C2CD4D: variants seen among roughly 807,000 people sequenced by gnomAD.
C2CD4D encodes the protein C2 calcium-dependent domain-containing protein 4D.
A neutral mutation model predicts 0.2 loss-of-function variants in C2CD4D; 1 was observed. The observed-to-expected ratio is 4.00, with a 90% CI of 1.42 to 18.99. The LOEUF is 18.99. Ranked by LOEUF, C2CD4D falls within the 30% of genes most tolerant of loss-of-function variation. The pLI, the probability that C2CD4D is intolerant of heterozygous loss-of-function variation, is 0.11. For synonymous variants in C2CD4D, 269 were observed against 279.8 expected (o/e 0.96, Z 0.39); for missense variants, 552 against 551.2 (o/e 1.00, Z -0.01).
rs563511381 is a variant in C2CD4D, at chr1:151,839,174, G to A, written c.-185C>T. ...CGGTCTCCGGACCCACTGGGAGCGC[G>A]GACCCCTATTTGAGCAGAAAAAGAA... On this transcript the variant is annotated 5_prime_UTR_variant, in exon 2 of 2. Transcript: ENST00000454109. 42 of 604,466 alleles carry A rather than the reference G, an allele frequency of 6.9e-5. No homozygotes were observed. In the African/African-American group the frequency reaches 7.3e-4, roughly 11 times the overall value. 37.4% of individuals were successfully genotyped at this position (604,466 alleles called of 1,614,324 possible).
chr1:151,838,468 C>A, exon 2 of C2CD4D: 1 of 1,396,486 alleles, frequency 7.2e-7, no homozygotes, highest in Non-Finnish European at 9.3e-7. Context: ...CGGCCGAGCT[C>A]GCTTTTTCTG....
exon 1 of C2CD4D, chr1:151,840,231 C>T (rs976361789): frequency 1.3e-5 from 2 of 152,442 alleles, no homozygotes; most frequent in African/African-American, 2.4e-5. Context: ...ACAGCTCTGT[C>T]TGCGCGGCCA....
chr1:151,838,185 G>T (rs1200060378), exon 2 of C2CD4D: 2 of 1,550,030 alleles, frequency 1.3e-6, no homozygotes, highest in South Asian at 2.4e-5. Flanking sequence ...TCCCGCGGCC[G>T]GACGCGGGGC....
exon 2 of C2CD4D, chr1:151,837,954 G>A (rs1652623759): frequency 6.5e-7 from 1 of 1,543,798 alleles, no homozygotes; most frequent in Non-Finnish European, 8.8e-7. Context: ...GTGGGCGCCA[G>A]GGATGACCCG....
Position 151,838,421 on chromosome 1 carries a change from GGC to G in C2CD4D, c.567_568del (p.Pro190HisfsTer166). 1 of 1,428,374 alleles carries G rather than the reference GGC, an allele frequency of 7.0e-7. No homozygotes were observed. 88.5% of individuals were successfully genotyped at this position (1,428,374 alleles called of 1,614,324 possible). A position where few individuals can be genotyped will look rare whatever the true frequency, so the allele number is the denominator to read the frequency against. ...GTCCAGGTGGAAGAGCGGCGGCGTG[GGC>G]GGCCCGGCGCGGCGCGGCGAGTGCG... On this transcript the variant is annotated frameshift_variant, in exon 2 of 2. Transcript: ENST00000454109. LOFTEE classifies it low-confidence loss of function (END_TRUNC).
chr1:151,838,096 C>CG lies in C2CD4D; in HGVS notation c.893dup (p.Asp299GlyfsTer58). 3.9e-6 allele frequency: 6 copies of CG among 1,545,584 alleles called. No homozygotes were observed. The highest frequency in any genetic ancestry group is 2.5e-5 in the East Asian group (1 of 40,402). On this transcript the variant is annotated frameshift_variant, in exon 2 of 2. Coordinates refer to ENST00000454109, the Ensembl canonical transcript of C2CD4D. LOFTEE classifies it low-confidence loss of function (END_TRUNC). ...CTCTCAGGCTGCGGGCGGCCAGGTC[C>CG]GGGGGGCCGAGCCCGTCGAAAAAGA...
At chr1:151,838,991 CG>C in exon 2 of C2CD4D, 1 of 1,549,910 alleles carries the variant, frequency 6.5e-7, no homozygotes. Flanking sequence ...GAGCCACATG[CG>C]GTGGGTGGGG....
chr1:151,839,391 G>C (rs141525760), intron 1 of C2CD4D, among the ~76,000 whole-genome samples, 171 bp from the exon 2 acceptor site: 1 of 152,200 alleles, frequency 6.6e-6, no homozygotes, highest in African/African-American at 2.4e-5. Context: ...AGGACAAATA[G>C]GATAATAACC....
chr1:151,838,448 G>A (rs757376795), exon 2 of C2CD4D: 11 of 1,408,702 alleles, frequency 7.8e-6, no homozygotes, highest in South Asian at 1.5e-5. Context: ...CGGCGAGTGC[G>A]GGCTGGTATC....
In C2CD4D at chr1:151,838,682, C is replaced by A. The variant is rs1358151264; in HGVS notation, c.308G>T (p.Arg103Leu). The change falls in exon 2 of 2, where the codon CGG becomes CTG. Residue 103 changes from arginine (R) to leucine (L), a missense_variant. Transcript: ENST00000454109. ...TGGCGGCCCGTGGAACAGGGATTCCCGCCGGCGCGTGTGCGGGCTCTCGGG... is the reference window on the plus strand; with the variant it reads ...TGGCGGCCCGTGGAACAGGGATTCCAGCCGGCGCGTGTGCGGGCTCTCGGG... 11 of 1,373,082 alleles carry A rather than the reference C, an allele frequency of 8.0e-6. No homozygotes were observed. In the African/African-American group the frequency reaches 1.4e-4, roughly 17 times the overall value. 85.1% of individuals were successfully genotyped at this position (1,373,082 alleles called of 1,614,324 possible). A position where few individuals can be genotyped will look rare whatever the true frequency, so the allele number is the denominator to read the frequency against.
In C2CD4D at chr1:151,838,960, C is replaced by G. The variant is rs1652686697; in HGVS notation, c.30G>C (p.Lys10Asn). The G allele has an allele frequency of 2.6e-6, 4 of 1,550,118 alleles. No individual in the cohort carries two copies. In the South Asian group the frequency reaches 4.8e-5, roughly 18 times the overall value. Residue 10 changes from lysine (K) to asparagine (N), a missense_variant, in exon 2 of 2, where the codon AAG (lysine) becomes AAC (asparagine). By Grantham distance (94) the Lys-to-Asn change is moderately conservative. Coordinates refer to ENST00000454109, the Ensembl canonical transcript of C2CD4D. The stretch of plus-strand genomic sequence containing the variant: ...GGGCCGCAGGCTCCGCGGCCCCCAC[C>G]TTATAGCCAGCTTTTTCCAAGAGCC...
chr1:151,838,023 C>G, exon 2 of C2CD4D: 2 of 1,551,522 alleles, frequency 1.3e-6, no homozygotes, highest in Non-Finnish European at 8.7e-7. Context: ...TCGCACTCCC[C>G]CAGCAGCACA....
At chr1:151,839,149 CG>C in exon 2 of C2CD4D, 1 of 742,192 alleles carries the variant, frequency 1.3e-6, no homozygotes, top group Non-Finnish European at 2.1e-6. Flanking sequence ...CACCGCGCCC[CG>C]GTCTCCGGAC....
chr1:151,838,194 G>GCCGCAGCCTCAGCA lies in C2CD4D; in HGVS notation c.782_795dup (p.Pro266CysfsTer2). 6.5e-7 allele frequency: 1 copy of GCCGCAGCCTCAGCA among 1,549,478 alleles called. No individual in the cohort carries two copies. Among genetic ancestry groups the GCCGCAGCCTCAGCA allele is most frequent in the Non-Finnish European group, 8.7e-7 (1 of 1,146,202 alleles). On this transcript the variant is annotated stop_gained and frameshift_variant, in exon 2 of 2. Transcript: ENST00000454109. LOFTEE classifies it low-confidence loss of function (END_TRUNC). The stretch of plus-strand genomic sequence containing the variant: ...TGCTGCTCCCGCGGCCGGACGCGGG[G>GCCGCAGCCTCAGCA]CCGCAGCCTCAGCACCACACAGCAG...
Position 151,839,077 on chromosome 1 carries a change from G to A in C2CD4D, c.-88C>T, listed in dbSNP as rs149066765. 5 of 1,445,318 alleles carry A rather than the reference G, an allele frequency of 3.5e-6. No homozygotes were observed. The Admixed American group carries it at 6.5e-5, about 19-fold the overall frequency. The allele number at this position is 1,445,318 out of a possible 1,614,324, so 89.5% of individuals were successfully genotyped here. ...AGATGGGAGTGCTCGGCGGAGCGGG[G>A]CTGGGCGAGGAGCGCAGAGGAGTCA... On this transcript the variant is annotated 5_prime_UTR_variant, in exon 2 of 2. Transcript: ENST00000454109.
exon 2 of C2CD4D, chr1:151,838,204 C>T (rs1429725318): frequency 2.1e-5 from 32 of 1,521,198 alleles, no homozygotes; most frequent in Non-Finnish European, 2.7e-5. Flanking sequence ...GCCGCAGCCT[C>T]AGCACCACAC....
intron 1 of C2CD4D, 67 bp from the exon 2 acceptor site, chr1:151,839,287 A>T: frequency 2.2e-6 from 1 of 455,574 alleles, no homozygotes; most frequent in Non-Finnish European, 3.9e-6. Context: ...TCCGTCACCA[A>T]GTACACAGAT....
chr1:151,838,309 A>T lies in C2CD4D; in HGVS notation c.681T>A (p.Tyr227Ter). The change falls in exon 2 of 2, where the codon TAT becomes TAA. Residue 227 changes from tyrosine (Y) to a stop codon, truncating the protein, a stop_gained. Coordinates refer to ENST00000454109, the Ensembl canonical transcript of C2CD4D. LOFTEE classifies it low-confidence loss of function (END_TRUNC). ...GCCGCAGCCGCCCGGGCCCGGCCTG[A>T]TATTCGGTGGAGAGCCGCAGCTGCC... 1 of 1,395,202 alleles carries T rather than the reference A, an allele frequency of 7.2e-7. No homozygotes were observed. The highest frequency in any genetic ancestry group is 1.6e-5 in the South Asian group (1 of 62,022). 86.4% of individuals were successfully genotyped at this position (1,395,202 alleles called of 1,614,324 possible).
chr1:151,838,220 C>A (rs1350190862), exon 2 of C2CD4D: 41 of 1,416,748 alleles, frequency 2.9e-5, no homozygotes, highest in Non-Finnish European at 9.2e-6. Flanking sequence ...CACACAGCAG[C>A]CGCCGCCGCC....
Sources: allele counts gnomAD v4.1 joint callset (sites outside exome capture counted in the v4.1 genomes callset), GRCh38; gene constraint gnomAD v4.1.1; transcripts MANE v1.5; gene names NCBI Gene and HGNC (gene_info 2026-07-23, HGNC 2026-07-21).